TCF20: variants seen among roughly 807,000 people sequenced by gnomAD.
The protein encoded by TCF20 is SPRE-binding protein.
In TCF20, 3 loss-of-function variants were observed where a neutral mutation model predicts 148.6. The observed-to-expected ratio is 0.02, with a 90% CI of 0.01 to 0.05. The LOEUF (loss-of-function observed/expected upper bound fraction) is 0.05. TCF20 is among the 10% of genes least tolerant of loss of function. TCF20 has a pLI of 1.00. For synonymous variants in TCF20, 1,049 were observed against 909.5 expected (o/e 1.15, Z -2.76); for missense variants, 2,350 against 2,429.3 (o/e 0.97, Z 0.69).
At chr22:42,201,727 C>T (rs1216035216) in intron 2 of TCF20, among the ~76,000 whole-genome samples, 1 of 151,838 alleles carries the variant, frequency 6.6e-6, no homozygotes, top group Admixed American at 6.6e-5. Context: ...GAAATTGTGC[C>T]ATTGCGGTCC....
rs143914940 is a variant in TCF20, at chr22:42,233,618, G to T, written c.-36-18277C>A. ...TCTACCCTTCTATTTCCCCCACAGC[G>T]TGGGACCTTAGTTCTCTTACTGCCA... On this transcript the variant is annotated intron_variant, in intron 1 of 5. Transcript: ENST00000677622. Among the ~76,000 whole-genome samples the T allele has an allele frequency of 2.0e-5, 3 of 152,272 alleles. No individual in the cohort carries two copies. The East Asian group carries it at 5.8e-4, about 29-fold the overall frequency.
chr22:42,209,906 C>G lies in TCF20; in HGVS notation c.5400G>C (p.Arg1800=). ...TACAAGGGAGCCCCCTGGACAGGGA[C>G]CGAGGGCCTCCACCACAGTCTTCCG... ...HRSEDCGGGP[R]SLSRGLPCKK... The change falls in exon 2 of 6, where the codon CGG becomes CGC. Residue 1800 remains arginine, a synonymous_variant. Transcript: ENST00000677622. 1 of 1,614,150 alleles carries G rather than the reference C, an allele frequency of 6.2e-7. No homozygotes were observed. The highest frequency in any genetic ancestry group is 8.5e-7 in the Non-Finnish European group (1 of 1,180,024).
At chr22:42,330,503 C>T (rs1927954806) in intron 1 of TCF20, among the ~76,000 whole-genome samples, 1 of 152,208 alleles carries the variant, frequency 6.6e-6, no homozygotes, top group Non-Finnish European at 1.5e-5. Context: ...GAAGTCTTTT[C>T]TATCCCCTAG....
rs1181847205 is a variant in TCF20 at position 42,161,251 on chromosome 22, C to A, written c.*152G>T. 3 of 1,547,954 alleles carry A rather than the reference C, an allele frequency of 1.9e-6. No homozygotes were observed. The highest frequency in any genetic ancestry group is 1.1e-5 in the South Asian group (1 of 88,758). ...GAACTTAAGGAAGTGCTGGCATGGG[C>A]AGGCACGCGGGCGGGGCGGGGCGGG... On this transcript the variant is annotated 3_prime_UTR_variant, in exon 6 of 6. Transcript: ENST00000677622.
At chr22:42,183,966 A>T (rs891983603) in intron 2 of TCF20, among the ~76,000 whole-genome samples, 2 of 151,802 alleles carry the variant, frequency 1.3e-5, no homozygotes, top group East Asian at 3.9e-4. Flanking sequence ...ATGAGGTTTC[A>T]CCATGTTGGC....
rs1921409575 is a variant in TCF20, at chr22:42,214,207, T to C, written c.1099A>G (p.Ile367Val). The change falls in exon 2 of 6, where the codon ATT (isoleucine) becomes GTT (valine). Residue 367 changes from isoleucine to valine, a missense_variant. By Grantham distance (29) the Ile-to-Val change is conservative. Coordinates refer to ENST00000677622, the MANE Select transcript of TCF20 (RefSeq NM_001378418.1). Reference protein sequence around the residue: ...PMQFHQNFSPISNPSPAASVV... With the variant: ...PMQFHQNFSPVSNPSPAASVV... Reference sequence around the variant, plus strand: ...GAGGCAGCTGGAGAAGGGTTAGAAATGGGGCTGAAGTTCTGGTGAAACTGC... The same window carrying C: ...GAGGCAGCTGGAGAAGGGTTAGAAACGGGGCTGAAGTTCTGGTGAAACTGC... 6.8e-6 allele frequency: 11 copies of C among 1,614,082 alleles called. No individual in the cohort carries two copies. Among genetic ancestry groups the C allele is most frequent in the Non-Finnish European group, 9.3e-6 (11 of 1,180,016 alleles).
intron 1 of TCF20, among the ~76,000 whole-genome samples, chr22:42,243,872 C>T (rs1924682079): frequency 6.6e-6 from 1 of 152,176 alleles, no homozygotes; most frequent in South Asian, 2.1e-4. Context: ...CACAGCACTT[C>T]ATACCCATAG....
At chr22:42,331,510 C>T (rs1470960996) in intron 1 of TCF20, among the ~76,000 whole-genome samples, 6 of 152,260 alleles carry the variant, frequency 3.9e-5, no homozygotes. Context: ...CCATCACCAG[C>T]CCTATTCCCA....
rs770363475 is a variant in TCF20, at chr22:42,213,173, A to G, written c.2133T>C (p.Asp711=). 4.3e-6 allele frequency: 7 copies of G among 1,614,014 alleles called. No individual in the cohort carries two copies. In the African/African-American group the frequency reaches 5.3e-5, roughly 12 times the overall value. ...TTCGTGGCACGGCTGACCCGAAACT[A>G]TCTTTGTAACTATAGCGCAGACTTC... The part of the protein sequence containing the change: ...SPGSLRYSYK[D]SFGSAVPRNV... Residue 711 remains aspartate, a synonymous_variant, in exon 2 of 6, where the codon GAT becomes GAC. Coordinates refer to ENST00000677622, the MANE Select transcript of TCF20 (RefSeq NM_001378418.1).
At chr22:42,324,685 C>T (rs1037403067) in intron 1 of TCF20, among the ~76,000 whole-genome samples, 1 of 152,170 alleles carries the variant, frequency 6.6e-6, no homozygotes, top group African/African-American at 2.4e-5. Context: ...ATAATCTCCA[C>T]CATTTGAGAA....
chr22:42,247,107 T>C (rs1569183296), intron 1 of TCF20, among the ~76,000 whole-genome samples: 1 of 151,438 alleles, frequency 6.6e-6, no homozygotes, highest in African/African-American at 2.4e-5. Flanking sequence ...TGGAGAAAAG[T>C]AACATTTGAG....
At chr22:42,269,431 C>T (rs1391710385) in intron 1 of TCF20, among the ~76,000 whole-genome samples, 1 of 152,176 alleles carries the variant, frequency 6.6e-6, no homozygotes. Context: ...TAATCCCACC[C>T]ACAAGCAGAG....
At chr22:42,227,288 G>A (rs148836968) in intron 1 of TCF20, among the ~76,000 whole-genome samples, 168 of 152,190 alleles carry the variant, frequency 1.1e-3, no homozygotes, top group African/African-American at 3.9e-3. Flanking sequence ...AAAAAAAATA[G>A]TAATTTTAAA....
intron 2 of TCF20, among the ~76,000 whole-genome samples, chr22:42,192,507 G>T (rs1035258663): frequency 6.6e-6 from 1 of 152,140 alleles, no homozygotes. Flanking sequence ...CCTGGAAGTG[G>T]CAAGTTTTTC....
At chr22:42,246,837 G>T (rs137992872) in intron 1 of TCF20, among the ~76,000 whole-genome samples, 4 of 151,752 alleles carry the variant, frequency 2.6e-5, no homozygotes, top group African/African-American at 7.3e-5. Flanking sequence ...GTGGTGGCGG[G>T]TGCCTGTAAT....
chr22:42,252,895 T>C (rs900505663), intron 1 of TCF20, among the ~76,000 whole-genome samples: 2 of 152,148 alleles, frequency 1.3e-5, no homozygotes, highest in Admixed American at 6.5e-5. Context: ...AATACTGTTA[T>C]AGTGAGATTT....
intron 1 of TCF20, among the ~76,000 whole-genome samples, chr22:42,246,532 CT>C (rs1248124822): frequency 2.0e-5 from 3 of 152,184 alleles, no homozygotes; most frequent in Non-Finnish European, 2.9e-5. Context: ...CATTGTTTGC[CT>C]TTTTCTCGTA....
At chr22:42,230,555 G>A (rs1228519312) in intron 1 of TCF20, among the ~76,000 whole-genome samples, 1 of 152,066 alleles carries the variant, frequency 6.6e-6, no homozygotes, top group Non-Finnish European at 1.5e-5. Context: ...CTGAGGCAGA[G>A]AATCGCTTGA....
chr22:42,178,607 T>C (rs1936584141), intron 3 of TCF20, among the ~76,000 whole-genome samples: 1 of 147,008 alleles, frequency 6.8e-6, no homozygotes, highest in Non-Finnish European at 1.5e-5. Flanking sequence ...TTTTTTTTTT[T>C]TGAGACAGAG....
Sources: gnomAD v4.1 joint callset for allele counts (sites outside exome capture counted in the v4.1 genomes callset) on GRCh38, gnomAD v4.1.1 for gene constraint, MANE v1.5 for transcripts, NCBI Gene and HGNC (gene_info 2026-07-23, HGNC 2026-07-21) for gene names.